The following OSBPL1A variants were observed in gnomAD, a reference collection of about 807,000 sequenced individuals.
OSBPL1A encodes the protein oxysterol-binding protein-related protein 1.
A neutral mutation model predicts 137.1 loss-of-function variants in OSBPL1A; 80 were observed. That is an observed-to-expected ratio of 0.58 (90% CI 0.49 to 0.70). The LOEUF (loss-of-function observed/expected upper bound fraction) is 0.70. OSBPL1A is among the 30% of genes least tolerant of loss of function. OSBPL1A has a pLI of 0.00. For missense variants in OSBPL1A, 970 were observed against 1,129.4 expected, an observed-to-expected ratio of 0.86 and a Z score of 2.02; for synonymous variants, 365 against 389.7, an observed-to-expected ratio of 0.94 and a Z score of 0.75.
At chr18:24,180,319 T>C (rs1365000670) in intron 19 of OSBPL1A, among the ~76,000 whole-genome samples, 2 of 152,200 alleles carry the variant, frequency 1.3e-5, no homozygotes, top group African/African-American at 2.4e-5. Flanking sequence ...CACTATACTC[T>C]ACCTCTAACT....
At chr18:24,376,683 G>T (rs1906173233) in intron 2 of OSBPL1A, among the ~76,000 whole-genome samples, 1 of 152,242 alleles carries the variant, frequency 6.6e-6, no homozygotes, top group African/African-American at 2.4e-5. Flanking sequence ...GAGGGGGTGG[G>T]AGGCTGAAGC....
chr18:24,290,270 TAGAA>T (rs2090151734), intron 14 of OSBPL1A, among the ~76,000 whole-genome samples: 1 of 152,028 alleles, frequency 6.6e-6, no homozygotes, highest in Non-Finnish European at 1.5e-5. Flanking sequence ...CCAGATATGC[TAGAA>T]AGAAAGAAAC....
chr18:24,239,925 CTTTTT>C (rs10699940), intron 15 of OSBPL1A, among the ~76,000 whole-genome samples: 3 of 125,612 alleles, frequency 2.4e-5, no homozygotes, highest in East Asian at 2.3e-4. Context: ...TCATTTTTCT[CTTTTT>C]TTTTTTTTTT....
intron 15 of OSBPL1A, among the ~76,000 whole-genome samples, chr18:24,256,255 A>G (rs1050164762): frequency 1.3e-5 from 2 of 152,216 alleles, no homozygotes; most frequent in Admixed American, 1.3e-4. Flanking sequence ...ACTGAATTCA[A>G]CAATATGTTA....
intron 15 of OSBPL1A, among the ~76,000 whole-genome samples, chr18:24,251,253 C>G (rs1381835883): frequency 6.6e-6 from 1 of 152,168 alleles, no homozygotes; most frequent in Non-Finnish European, 1.5e-5. Flanking sequence ...TCCCTGAGGT[C>G]TTGAGTGACC....
chr18:24,219,379 G>T (rs1272119397), intron 17 of OSBPL1A, among the ~76,000 whole-genome samples: 4 of 152,176 alleles, frequency 2.6e-5, no homozygotes, highest in African/African-American at 9.7e-5. Flanking sequence ...GAGGGTGAAT[G>T]ATGGGAATCA....
At chr18:24,175,093 A>G (rs1185684852) in intron 21 of OSBPL1A, among the ~76,000 whole-genome samples, 1 of 104,770 alleles carries the variant, frequency 9.5e-6, no homozygotes, top group Non-Finnish European at 1.7e-5. Flanking sequence ...TCATGTGCTT[A>G]TTTGCCATGT....
intron 19 of OSBPL1A, among the ~76,000 whole-genome samples, chr18:24,180,461 TTG>T (rs57229701): frequency 0.26 from 39,210 of 150,138 alleles, 5,876 homozygotes; most frequent in African/African-American, 0.41. Flanking sequence ...TTTTTCTATT[TTG>T]TGTGTGTGTG....
intron 12 of OSBPL1A, among the ~76,000 whole-genome samples, chr18:24,312,458 A>G (rs1264979376): frequency 6.6e-6 from 1 of 152,198 alleles, no homozygotes; most frequent in Non-Finnish European, 1.5e-5. Context: ...AACCTAACAG[A>G]ATAAGTTACT....
intron 5 of OSBPL1A, among the ~76,000 whole-genome samples, chr18:24,336,595 C>T (rs1272840594): frequency 6.6e-6 from 1 of 152,058 alleles, no homozygotes; most frequent in Non-Finnish European, 1.5e-5. Context: ...AATAAATATT[C>T]CTAAAGCAAA....
At chr18:24,259,730 C>T (rs958532604) in intron 15 of OSBPL1A, among the ~76,000 whole-genome samples, 6 of 151,802 alleles carry the variant, frequency 4.0e-5, no homozygotes, top group African/African-American at 1.5e-4. Flanking sequence ...ATACATGTAA[C>T]GTTTTTATAA....
chr18:24,303,324 C>A (rs1320191383), intron 14 of OSBPL1A, among the ~76,000 whole-genome samples: 2 of 152,162 alleles, frequency 1.3e-5, no homozygotes, highest in African/African-American at 4.8e-5. Flanking sequence ...ATTCTGACTC[C>A]AAAACCCAAG....
At chr18:24,203,220 A>G (rs968764724) in intron 17 of OSBPL1A, among the ~76,000 whole-genome samples, 5 of 151,954 alleles carry the variant, frequency 3.3e-5, no homozygotes, top group Admixed American at 2.6e-4. Flanking sequence ...CAGGTGATCC[A>G]CCCTCCGTGG....
chr18:24,308,233 A>C (rs1202589191), intron 13 of OSBPL1A, among the ~76,000 whole-genome samples: 1 of 150,768 alleles, frequency 6.6e-6, no homozygotes, highest in Non-Finnish European at 1.5e-5. Context: ...CTCCCACCTC[A>C]GCCTCCTAAG....
chr18:24,318,193 C>T (rs1314084559), intron 9 of OSBPL1A, among the ~76,000 whole-genome samples: 1 of 152,096 alleles, frequency 6.6e-6, no homozygotes, highest in African/African-American at 2.4e-5. Context: ...CACCTGTAAT[C>T]CCAGCATTCT....
chr18:24,370,889 A>T (rs1176600993), intron 2 of OSBPL1A, among the ~76,000 whole-genome samples: 1 of 152,044 alleles, frequency 6.6e-6, no homozygotes, highest in Non-Finnish European at 1.5e-5. Flanking sequence ...GGCTGGTCTC[A>T]AACTCCTGAG....
chr18:24,176,195 T>A (rs887400054), intron 21 of OSBPL1A, among the ~76,000 whole-genome samples: 174 of 152,348 alleles, frequency 1.1e-3, no homozygotes, highest in Non-Finnish European at 2.1e-3. Flanking sequence ...CTATTAAAAA[T>A]CATCTTGGGA....
intron 24 of OSBPL1A, among the ~76,000 whole-genome samples, chr18:24,168,767 A>G (rs899709477): frequency 1.3e-5 from 2 of 152,236 alleles, no homozygotes; most frequent in African/African-American, 4.8e-5. Context: ...GGCAGATGAC[A>G]GGAACACAGG....
At chr18:24,293,159 T>C (rs989866805) in intron 14 of OSBPL1A, among the ~76,000 whole-genome samples, 1 of 132,708 alleles carries the variant, frequency 7.5e-6, no homozygotes, top group South Asian at 2.6e-4. Context: ...AAACGTTAAC[T>C]GAGAAGAATT....
Sources: allele counts gnomAD v4.1 joint callset (sites outside exome capture counted in the v4.1 genomes callset), GRCh38; gene constraint gnomAD v4.1.1; transcripts MANE v1.5; gene names NCBI Gene and HGNC (gene_info 2026-07-23, HGNC 2026-07-21).